Variants in RABEP1 observed in about 807,000 individuals in gnomAD.
RABEP1 encodes rab GTPase-binding effector protein 1.
A neutral mutation model predicts 123.4 loss-of-function variants in RABEP1; 51 were observed. That is an observed-to-expected ratio of 0.41 (90% CI 0.33 to 0.52). RABEP1 has a LOEUF of 0.52. Among genes scored for constraint, RABEP1 ranks in the 20% least tolerant of loss-of-function variants. The probability of loss-of-function intolerance (pLI) is 0.16; values close to 1 mark genes in which losing one functional copy is unlikely to be tolerated. For missense variants in RABEP1, 888 were observed against 996.3 expected (o/e 0.89, Z 1.46); for synonymous variants, 347 against 355.2 (o/e 0.98, Z 0.26).
chr17:5,357,989 G>A (rs1015621595), intron 8 of RABEP1, among the ~76,000 whole-genome samples: 4 of 152,156 alleles, frequency 2.6e-5, no homozygotes, highest in Non-Finnish European at 5.9e-5. Flanking sequence ...ACTGGCCCTG[G>A]GTTCATTTAG....
intron 5 of RABEP1, among the ~76,000 whole-genome samples, chr17:5,339,362 A>G (rs1227349528): frequency 6.6e-6 from 1 of 152,164 alleles, no homozygotes; most frequent in Admixed American, 6.5e-5. Context: ...TGAAAATATT[A>G]GCCAGTTATA....
rs1174430218 is a variant in RABEP1 at position 5,315,361 on chromosome 17, G to A, written c.163+6539G>A. 4.6e-5 allele frequency among the ~76,000 whole-genome samples: 7 copies of A among 152,128 alleles called. No homozygotes were observed. The South Asian group carries it at 8.3e-4, about 18-fold the overall frequency. On this transcript the variant is annotated intron_variant, in intron 2 of 17. Coordinates refer to ENST00000537505, the MANE Select transcript of RABEP1 (RefSeq NM_004703.6). ...AGTACTGAGTTCTTCCTCCTAGTGAGACAAAGAGGGAAATATGAAAGAATA... is the reference window on the plus strand; with the variant it reads ...AGTACTGAGTTCTTCCTCCTAGTGAAACAAAGAGGGAAATATGAAAGAATA...
intron 2 of RABEP1, among the ~76,000 whole-genome samples, chr17:5,326,628 A>G (rs1597358080): frequency 1.3e-5 from 2 of 152,288 alleles, no homozygotes; most frequent in African/African-American, 4.8e-5. Flanking sequence ...ACCCTAGTGT[A>G]AACGAAGTGG....
At chr17:5,300,499 TTCTC>T (rs1044793362) in intron 1 of RABEP1, among the ~76,000 whole-genome samples, 1 of 152,058 alleles carries the variant, frequency 6.6e-6, no homozygotes, top group Admixed American at 6.5e-5. Context: ...TTGGTCAAGT[TTCTC>T]TCTCTTTCTT....
chr17:5,293,552 A>G (rs546780536), intron 1 of RABEP1, among the ~76,000 whole-genome samples: 2 of 152,194 alleles, frequency 1.3e-5, no homozygotes, highest in East Asian at 3.9e-4. Flanking sequence ...CCCTATAGGC[A>G]CATGCCACCA....
At chr17:5,286,376 C>A (rs1322061979) in intron 1 of RABEP1, among the ~76,000 whole-genome samples, 1 of 152,090 alleles carries the variant, frequency 6.6e-6, no homozygotes, top group Admixed American at 6.6e-5. Context: ...CACCTGTAGT[C>A]CCAGCTACTC....
intron 1 of RABEP1, among the ~76,000 whole-genome samples, chr17:5,299,731 C>CTTTTTTT (rs1171650180): frequency 2.1e-4 from 20 of 96,860 alleles, no homozygotes; most frequent in Non-Finnish European, 2.8e-4. Flanking sequence ...TTTTCTTTTT[C>CTTTTTTT]TTTTTTTTTT....
intron 2 of RABEP1, among the ~76,000 whole-genome samples, chr17:5,313,578 A>G (rs2144538846): frequency 6.6e-6 from 1 of 152,342 alleles, no homozygotes; most frequent in Middle Eastern, 3.4e-3. Context: ...TGCATTATCA[A>G]CTGCAGTTTT....
intron 2 of RABEP1, among the ~76,000 whole-genome samples, chr17:5,323,772 A>ATT (rs796354247): frequency 0.025 from 2,470 of 97,182 alleles, 490 homozygotes; most frequent in East Asian, 0.074. Context: ...ATATATATAT[A>ATT]TCTAGGAATA....
chr17:5,372,814 G>A lies in RABEP1; in HGVS notation c.1885-500G>A, dbSNP rs553379719. ...CTCTGTGGCCCAGGATGGGCGCAAC[G>A]GTGCAATCTCGGCTCACTGCAACCT... On this transcript the variant is annotated intron_variant, in intron 12 of 17. Coordinates refer to ENST00000537505, the MANE Select transcript of RABEP1 (RefSeq NM_004703.6). 1.3e-4 allele frequency among the ~76,000 whole-genome samples: 19 copies of A among 151,998 alleles called. No homozygotes were observed. In the East Asian group the frequency reaches 2.3e-3, roughly 19 times the overall value.
intron 6 of RABEP1, 93 bp from the exon 7 acceptor site, chr17:5,350,358 C>G: frequency 1.5e-6 from 2 of 1,361,082 alleles, no homozygotes. Context: ...CCAGCCTGGG[C>G]GACAGAGCGA....
At chr17:5,368,981 A>AAAT (rs1487500064) in intron 12 of RABEP1, among the ~76,000 whole-genome samples, 1 of 152,058 alleles carries the variant, frequency 6.6e-6, no homozygotes, top group Non-Finnish European at 1.5e-5. Flanking sequence ...GGTGGTGTGC[A>AAAT]CCTGCAAATC....
rs1198135815 is a variant in RABEP1, at chr17:5,373,461, T to TA, written c.2025+8dup. ...CCTCCCAGACACTACAGAGGTAACT[T>TA]ACTTTCCACATGATCAAAAATGTCA... is the stretch of plus-strand genomic sequence containing the variant. On this transcript the variant is annotated splice_region_variant and intron_variant, in intron 13 of 17. Coordinates refer to ENST00000537505, the MANE Select transcript of RABEP1 (RefSeq NM_004703.6). The TA allele has an allele frequency of 6.3e-7, 1 of 1,592,886 alleles. No homozygotes were observed. Among genetic ancestry groups the TA allele is most frequent in the Admixed American group, 1.8e-5 (1 of 55,058 alleles).
intron 1 of RABEP1, among the ~76,000 whole-genome samples, chr17:5,299,533 G>T (rs2144491122): frequency 6.6e-6 from 1 of 151,664 alleles, no homozygotes; most frequent in Middle Eastern, 3.4e-3. Context: ...AGTCCCTAGG[G>T]CCACTGAAGT....
chr17:5,335,463 T>G, intron 4 of RABEP1, 119 bp downstream of exon 4: 2 of 888,768 alleles, frequency 2.3e-6, no homozygotes, highest in Non-Finnish European at 3.4e-6. Flanking sequence ...AATAATTATT[T>G]GGACACAGAC....
intron 1 of RABEP1, among the ~76,000 whole-genome samples, chr17:5,294,341 G>GCCA: frequency 6.6e-6 from 1 of 152,126 alleles, no homozygotes; most frequent in African/African-American, 2.4e-5. Flanking sequence ...CTGAGGTGGC[G>GCCA]CCACTGCACT....
chr17:5,342,899 A>G (rs1907737410), intron 5 of RABEP1, among the ~76,000 whole-genome samples: 1 of 152,318 alleles, frequency 6.6e-6, no homozygotes, highest in African/African-American at 2.4e-5. Context: ...ACAGACCTAT[A>G]TATGTGTAAA....
chr17:5,368,534 C>T (rs564279390), intron 12 of RABEP1, 66 bp downstream of exon 12: 17 of 1,157,078 alleles, frequency 1.5e-5, no homozygotes, highest in South Asian at 1.0e-4. Context: ...TCTATCTTGA[C>T]ATCATCTTTG....
At position 5,350,603 on chromosome 17, in the gene RABEP1, G is replaced by C. The variant is rs756994268; in HGVS notation, c.937G>C (p.Val313Leu). 5.6e-6 allele frequency: 9 copies of C among 1,613,840 alleles called. No individual in the cohort carries two copies. Among genetic ancestry groups the C allele is most frequent in the Non-Finnish European group, 7.6e-6 (9 of 1,179,930 alleles). Residue 313 changes from valine (V) to leucine (L), a missense_variant, in exon 7 of 18, where the codon GTT becomes CTT. By Grantham distance (32) the Val-to-Leu change is conservative. Coordinates refer to ENST00000537505, the MANE Select transcript of RABEP1 (RefSeq NM_004703.6). ...GCTAACTTCAGAACAGCTCCGACAA[G>C]TTGAAGAACTGAAGAAGAAAGATCA... ...IVLTSEQLRQVEELKKKDQED... is the reference protein window; with the variant it reads ...IVLTSEQLRQLEELKKKDQED...
Sources: allele counts gnomAD v4.1 joint callset (sites outside exome capture counted in the v4.1 genomes callset), GRCh38; gene constraint gnomAD v4.1.1; transcripts MANE v1.5; gene names NCBI Gene and HGNC (gene_info 2026-07-23, HGNC 2026-07-21).